Variants in HSPB7 observed in about 807,000 individuals in gnomAD.
HSPB7 encodes the protein heat shock protein beta-7.
HSPB7 carries 9 observed loss-of-function variants against 11.0 expected under a neutral mutation model. The ratio of observed to expected loss-of-function variants is 0.82; its 90% CI spans 0.49 to 1.43. The LOEUF is 1.43. Ranked by LOEUF, HSPB7 falls within the 40% of genes most tolerant of loss-of-function variation. The pLI is 0.00. For synonymous variants in HSPB7, 102 were observed against 101.6 expected, an observed-to-expected ratio of 1.00 and a Z score of -0.02; for missense variants, 246 against 243.9, an observed-to-expected ratio of 1.01 and a Z score of -0.06.
chr1:16,016,089 C>T (rs568085433), intron 2 of HSPB7, among the ~76,000 whole-genome samples: 2 of 152,350 alleles, frequency 1.3e-5, no homozygotes, highest in South Asian at 2.1e-4. Context: ...AGAGGAGAGC[C>T]GTGCCTTCCT....
At chr1:16,017,650 G>A in intron 1 of HSPB7, 115 bp downstream of exon 1, 1 of 826,012 alleles carries the variant, frequency 1.2e-6, no homozygotes, top group Non-Finnish European at 1.9e-6. Context: ...CATGGCTGCA[G>A]GCTGTGCAGC....
At position 16,015,889 on chromosome 1, in the gene HSPB7, C is replaced by A; in HGVS notation, c.334-130G>T. The A allele has an allele frequency of 1.1e-6, 1 of 885,004 alleles. No homozygotes were observed. Among genetic ancestry groups the A allele is most frequent in the Non-Finnish European group, 1.7e-6 (1 of 594,798 alleles). 54.8% of individuals were successfully genotyped at this position (885,004 alleles called of 1,614,324 possible). On this transcript the variant is annotated intron_variant, in intron 2 of 2. Coordinates refer to ENST00000311890, the MANE Select transcript of HSPB7 (RefSeq NM_014424.5). The surrounding 1 kb of genome is among the most constrained non-coding windows in gnomAD (Gnocchi z 4.9). ...GCCGAGGGGCTCTGCCCTCAGGTGC[C>A]GAGGGGCTGCCCAGGGTGGTGATGG...
chr1:16,019,136 T>C, upstream of HSPB7: 1 of 1,548,184 alleles, frequency 6.5e-7, no homozygotes, highest in Non-Finnish European at 8.7e-7. Flanking sequence ...GGACTGACCT[T>C]GCCCTGGGCC....
At chr1:16,017,727 T>C (rs2021853518) in intron 1 of HSPB7, 38 bp downstream of exon 1, 5 of 1,510,654 alleles carry the variant, frequency 3.3e-6, no homozygotes, top group Non-Finnish European at 4.5e-6. Flanking sequence ...GTCCCCTCCC[T>C]GTGCACCTCC....
chr1:16,017,736 C>G, intron 1 of HSPB7, 29 bp downstream of exon 1: 1 of 1,533,240 alleles, frequency 6.5e-7, no homozygotes, highest in Non-Finnish European at 8.8e-7. Flanking sequence ...CTGTGCACCT[C>G]CCCTCCCCTC....
rs2021898009 is a variant in HSPB7 at position 16,018,026 on chromosome 1, A to G, written c.-63T>C. On this transcript the variant is annotated 5_prime_UTR_variant, in exon 1 of 3. Coordinates refer to ENST00000311890, the MANE Select transcript of HSPB7 (RefSeq NM_014424.5). ...GCTGGACAGGAGAGGGTGTGGGCGC[A>G]GGCCTCTGGGCGAGCGTGCCAGGCT... is the stretch of plus-strand genomic sequence containing the variant. 1 of 1,610,692 alleles carries G rather than the reference A, an allele frequency of 6.2e-7. No homozygotes were observed. Among genetic ancestry groups the G allele is most frequent in the African/African-American group, 1.3e-5 (1 of 74,900 alleles).
chr1:16,018,054 G>A (rs772050897), upstream of HSPB7: 73 of 1,601,008 alleles, frequency 4.6e-5, no homozygotes, highest in Non-Finnish European at 6.0e-5. Flanking sequence ...GCCAGGCTCC[G>A]ACTGCGGCCG....
Position 16,015,783 on chromosome 1 carries a change from G to T in HSPB7, c.334-24C>A, listed in dbSNP as rs1332178462. ...AGCTGGGGAAGGGGTGACCCGTCAG[G>T]CAGGCTGCCCCGACCCCTGTCCTGC... On this transcript the variant is annotated intron_variant, in intron 2 of 2. Transcript: ENST00000311890. This position sits in a 1 kb window ranked among gnomAD's most constrained non-coding sequence, Gnocchi z 4.9. The T allele has an allele frequency of 1.3e-6, 2 of 1,556,942 alleles. No individual in the cohort carries two copies. The highest frequency in any genetic ancestry group is 1.7e-6 in the Non-Finnish European group (2 of 1,150,298).
chr1:16,019,437 C>T (rs2021980976), upstream of HSPB7: 1 of 1,550,138 alleles, frequency 6.5e-7, no homozygotes, highest in African/African-American at 1.4e-5. Context: ...ACTGGCAGTT[C>T]CCACGGGGGC....
rs764640019 is a variant in HSPB7 at position 16,017,870 on chromosome 1, G to T, written c.94C>A (p.Arg32Ser). 17 of 1,613,784 alleles carry T rather than the reference G, an allele frequency of 1.1e-5. No homozygotes were observed. In the African/African-American group the frequency reaches 2.3e-4, roughly 22 times the overall value. Residue 32 changes from arginine (R) to serine (S), a missense_variant, in exon 1 of 3, where the codon CGT (arginine) becomes AGT (serine). By Grantham distance (110) the Arg-to-Ser change is moderately radical (BLOSUM62 -1). Coordinates refer to ENST00000311890, the MANE Select transcript of HSPB7 (RefSeq NM_014424.5). ...SSSSTSSSAS[R>S]ALPAQDPPME... is the part of the protein sequence containing the mutation. ...GGCGGGTCCTGGGCCGGGAGAGCAC[G>T]GGAGGCCGAGGAGGAGGTGGAAGAG...
At chr1:16,017,234 G>A (rs369454490) in intron 1 of HSPB7, 27 bp from the exon 2 acceptor site, 122 of 1,607,788 alleles carry the variant, frequency 7.6e-5, no homozygotes, top group South Asian at 6.6e-5. Flanking sequence ...TGTGAGCGAG[G>A]CATGGAGCAG....
chr1:16,015,517 G>A lies in HSPB7; in HGVS notation c.*63C>T. The stretch of plus-strand genomic sequence containing the variant: ...AGATGTCCTGGAGCTGTTGTAATGG[G>A]GTTAGCGAGGCTTTGCTGGCAGGCG... On this transcript the variant is annotated 3_prime_UTR_variant, in exon 3 of 3. Transcript: ENST00000311890. This position sits in a 1 kb window ranked among gnomAD's most constrained non-coding sequence, Gnocchi z 4.9. 2 of 1,509,298 alleles carry A rather than the reference G, an allele frequency of 1.3e-6. No individual in the cohort carries two copies. The highest frequency in any genetic ancestry group is 1.8e-6 in the Non-Finnish European group (2 of 1,090,240). 93.5% of individuals were successfully genotyped at this position (1,509,298 alleles called of 1,614,324 possible).
At position 16,017,842 on chromosome 1, in the gene HSPB7, A is replaced by G. The variant is rs1490747289; in HGVS notation, c.122T>C (p.Met41Thr). The G allele has an allele frequency of 1.2e-6, 2 of 1,613,748 alleles. No individual in the cohort carries two copies. The highest frequency in any genetic ancestry group is 8.5e-7 in the Non-Finnish European group (1 of 1,179,886). ...GGAAAACATGCTCAGGGCCTTCTCCATGGGCGGGTCCTGGGCCGGGAGAGC... is the reference window on the plus strand; with the variant it reads ...GGAAAACATGCTCAGGGCCTTCTCCGTGGGCGGGTCCTGGGCCGGGAGAGC... ...SRALPAQDPP[M>T]EKALSMFSDD... The change falls in exon 1 of 3, where the codon ATG becomes ACG. Residue 41 changes from methionine to threonine, a missense_variant. Coordinates refer to ENST00000311890, the MANE Select transcript of HSPB7 (RefSeq NM_014424.5).
At chr1:16,018,699 AAGG>A (rs2021945077), upstream of HSPB7, 2 of 1,038,622 alleles carry the variant, frequency 1.9e-6, no homozygotes, top group Middle Eastern at 9.5e-4. Flanking sequence ...AAAGGTCTAG[AAGG>A]TTGTGTTCCC....
Position 16,017,183 on chromosome 1 carries a change from A to C in HSPB7, c.224T>G (p.Ile75Ser). The change falls in exon 2 of 3, where the codon ATC (isoleucine) becomes AGC (serine). Residue 75 changes from isoleucine to serine, a missense_variant. By Grantham distance (142) the Ile-to-Ser change is moderately radical (BLOSUM62 -2). Transcript: ENST00000311890. ...CTCATAGGCGTCTCCTAGGGTCTTG[A>C]TGTTGCCTGCCCCACCGGGGCGGGC... ...FPARPGGAGN[I>S]KTLGDAYEFA... 2 of 1,613,442 alleles carry C rather than the reference A, an allele frequency of 1.2e-6. No homozygotes were observed. The highest frequency in any genetic ancestry group is 3.3e-5 in the Admixed American group (2 of 59,998).
Position 16,017,896 on chromosome 1 carries a change from G to A in HSPB7, c.68C>T (p.Ser23Phe). 3 of 1,613,604 alleles carry A rather than the reference G, an allele frequency of 1.9e-6. No individual in the cohort carries two copies. Among genetic ancestry groups the A allele is most frequent in the Non-Finnish European group, 2.5e-6 (3 of 1,179,608 alleles). The part of the protein sequence containing the change: ...RSFHSSSSSS[S>F]SSTSSSASRA... ...GGAGGCCGAGGAGGAGGTGGAAGAGGAGGAGGAAGAGGAAGAGGAATGGAA... is the reference window on the plus strand; with the variant it reads ...GGAGGCCGAGGAGGAGGTGGAAGAGAAGGAGGAAGAGGAAGAGGAATGGAA... The change falls in exon 1 of 3, where the codon TCC becomes TTC. Residue 23 changes from serine to phenylalanine, a missense_variant. By Grantham distance (155) the Ser-to-Phe change is radical. Coordinates refer to ENST00000311890, the MANE Select transcript of HSPB7 (RefSeq NM_014424.5).
chr1:16,018,905 G>T, upstream of HSPB7: 2 of 1,237,108 alleles, frequency 1.6e-6, no homozygotes, highest in African/African-American at 1.5e-5. Flanking sequence ...AGCTGGGAGG[G>T]TGGAGGGGCT....
chr1:16,016,093 C>A (rs1434463948), intron 2 of HSPB7, among the ~76,000 whole-genome samples: 2 of 152,254 alleles, frequency 1.3e-5, no homozygotes, highest in South Asian at 4.1e-4. Context: ...GAGAGCCGTG[C>A]CTTCCTGGAT....
At chr1:16,019,441 CG>C (rs1557442597), upstream of HSPB7, 1 of 1,550,104 alleles carries the variant, frequency 6.5e-7, no homozygotes, top group Middle Eastern at 1.7e-4. Context: ...GCAGTTCCCA[CG>C]GGGGCGAGGG....
Sources: gnomAD v4.1 joint callset for allele counts (sites outside exome capture counted in the v4.1 genomes callset) on GRCh38, gnomAD v4.1.1 for gene constraint, Gnocchi (gnomAD v3.1) non-coding constraint, MANE v1.5 for transcripts, NCBI Gene and HGNC (gene_info 2026-07-23, HGNC 2026-07-21) for gene names.